TNNI3K: variants seen among roughly 807,000 people sequenced by gnomAD.
TNNI3K encodes the protein serine/threonine-protein kinase TNNI3K.
A neutral mutation model predicts 114.5 loss-of-function variants in TNNI3K; 140 were observed. The observed-to-expected ratio is 1.22, with a 90% CI of 1.07 to 1.41. TNNI3K has a LOEUF of 1.41. Among genes scored for constraint, TNNI3K ranks in the 40% most tolerant of loss-of-function variants. The pLI, the probability that TNNI3K is intolerant of heterozygous loss-of-function variation, is 0.00. For missense variants in TNNI3K, 1,125 were observed against 1,007.6 expected (o/e 1.12, Z -1.58); for synonymous variants, 347 against 347.5 (o/e 1.00, Z 0.02).
chr1:74,491,251 C>G (rs755325317), intron 22 of TNNI3K, among the ~76,000 whole-genome samples: 2 of 152,162 alleles, frequency 1.3e-5, no homozygotes, highest in Non-Finnish European at 2.9e-5. Flanking sequence ...GAGAGAGTCT[C>G]GCTCTGTCTC....
intron 23 of TNNI3K, among the ~76,000 whole-genome samples, chr1:74,538,913 G>A (rs1447138753): frequency 6.6e-6 from 1 of 152,092 alleles, no homozygotes; most frequent in African/African-American, 2.4e-5. Context: ...GAAGTAGGAA[G>A]GACCAGAACC....
intron 20 of TNNI3K, among the ~76,000 whole-genome samples, chr1:74,463,142 T>C (rs1667520065): frequency 6.6e-6 from 1 of 152,214 alleles, no homozygotes; most frequent in African/African-American, 2.4e-5. Context: ...TAATATCATG[T>C]ACATACCCTA....
chr1:74,488,664 T>TA (rs1327960312), intron 21 of TNNI3K, among the ~76,000 whole-genome samples: 1 of 152,196 alleles, frequency 6.6e-6, no homozygotes, highest in Non-Finnish European at 1.5e-5. Flanking sequence ...ATGGGCAATA[T>TA]TTTTAATGGC....
At chr1:74,337,382 T>C (rs1451503151) in intron 7 of TNNI3K, among the ~76,000 whole-genome samples, 3 of 151,750 alleles carry the variant, frequency 2.0e-5, no homozygotes, top group Non-Finnish European at 4.4e-5. Context: ...ATTTTGGCTT[T>C]TGTTGCCATT....
chr1:74,241,007 G>A (rs2100829062), intron 2 of TNNI3K, among the ~76,000 whole-genome samples: 2 of 152,014 alleles, frequency 1.3e-5, no homozygotes, highest in South Asian at 4.2e-4. Context: ...CCACCTGTGA[G>A]TGAGGACATG....
At chr1:74,525,366 G>GT (rs1348754581) in intron 23 of TNNI3K, among the ~76,000 whole-genome samples, 1 of 152,172 alleles carries the variant, frequency 6.6e-6, no homozygotes, top group Non-Finnish European at 1.5e-5. Context: ...AAAAAGGAAT[G>GT]TGAGGCACAG....
intron 17 of TNNI3K, among the ~76,000 whole-genome samples, chr1:74,399,156 TAAAAA>T (rs1234711047): frequency 5.2e-5 from 4 of 76,830 alleles, no homozygotes; most frequent in Non-Finnish European, 7.7e-5. Context: ...CAAAACCCAT[TAAAAA>T]AAAAAAAAAA....
intron 9 of TNNI3K, among the ~76,000 whole-genome samples, chr1:74,348,589 A>G (rs187542354): frequency 7.1e-4 from 108 of 152,330 alleles, no homozygotes; most frequent in African/African-American, 2.5e-3. Flanking sequence ...TACCTTGGGC[A>G]GTATGGCCAT....
At chr1:74,368,986 T>TA (rs1159183667) in intron 13 of TNNI3K, 36 bp from the exon 14 acceptor site, 1 of 1,565,782 alleles carries the variant, frequency 6.4e-7, no homozygotes, top group Non-Finnish European at 8.7e-7. Context: ...GTGTGGTTTT[T>TA]ACCTTAAAAA....
At chr1:74,322,205 A>G (rs902852162) in intron 5 of TNNI3K, among the ~76,000 whole-genome samples, 3 of 152,180 alleles carry the variant, frequency 2.0e-5, no homozygotes, top group Non-Finnish European at 4.4e-5. Context: ...ATTGACCCCA[A>G]TGGAAACAGT....
intron 23 of TNNI3K, among the ~76,000 whole-genome samples, chr1:74,493,104 C>T (rs1047386915): frequency 3.3e-5 from 5 of 152,034 alleles, no homozygotes; most frequent in Non-Finnish European, 4.4e-5. Context: ...ACATGGGAGG[C>T]TAGGGTTTCA....
intron 5 of TNNI3K, among the ~76,000 whole-genome samples, chr1:74,281,339 T>TGTGTGTGGGG (rs918515614): frequency 2.6e-5 from 4 of 151,576 alleles, no homozygotes; most frequent in African/African-American, 7.3e-5. Flanking sequence ...AATAGATGTG[T>TGTGTGTGGGG]GTGTGTGTGT....
chr1:74,255,120 C>T (rs981393443), intron 4 of TNNI3K, among the ~76,000 whole-genome samples: 7 of 151,882 alleles, frequency 4.6e-5, no homozygotes, highest in African/African-American at 9.7e-5. Context: ...TTTGGGAGGC[C>T]GAGGCGGGCG....
At chr1:74,236,566 T>G (rs925521514) in intron 2 of TNNI3K, among the ~76,000 whole-genome samples, 5 of 151,922 alleles carry the variant, frequency 3.3e-5, no homozygotes, top group African/African-American at 9.6e-5. Context: ...TCTTCCCACA[T>G]AGTGGTCGCA....
intron 20 of TNNI3K, among the ~76,000 whole-genome samples, chr1:74,442,807 A>G (rs1413400036): frequency 6.6e-6 from 1 of 152,098 alleles, no homozygotes; most frequent in African/African-American, 2.4e-5. Flanking sequence ...AATCATAACA[A>G]ACAGTCTCTA....
At position 74,436,179 on chromosome 1, in the gene TNNI3K, G is replaced by A. The variant is rs764392144; in HGVS notation, c.1825+47G>A. ...TCCTTTTTTTCTTTGTTCCTAGCTGGTACAATATGGTGCCTGATATTGTAC... is the reference window on the plus strand; with the variant it reads ...TCCTTTTTTTCTTTGTTCCTAGCTGATACAATATGGTGCCTGATATTGTAC... On this transcript the variant is annotated intron_variant, in intron 18 of 24. Transcript: ENST00000326637. The A allele has an allele frequency of 3.1e-6, 5 of 1,601,108 alleles. No individual in the cohort carries two copies. The African/African-American group carries it at 5.4e-5, about 17-fold the overall frequency.
intron 20 of TNNI3K, among the ~76,000 whole-genome samples, chr1:74,440,503 A>C (rs1383079221): frequency 6.6e-6 from 1 of 152,142 alleles, no homozygotes; most frequent in Non-Finnish European, 1.5e-5. Flanking sequence ...GTCTTGACCA[A>C]GATCAAAATA....
At chr1:74,425,769 G>C (rs1302341533) in intron 17 of TNNI3K, among the ~76,000 whole-genome samples, 1 of 152,042 alleles carries the variant, frequency 6.6e-6, no homozygotes, top group Non-Finnish European at 1.5e-5. Flanking sequence ...CAAACTTGGA[G>C]GAGACACCAT....
chr1:74,471,462 A>G, intron 21 of TNNI3K: 1 of 400,668 alleles, frequency 2.5e-6, no homozygotes. Context: ...AAGGATGTAA[A>G]TTTAATTTTA....
Sources: allele counts gnomAD v4.1 joint callset (sites outside exome capture counted in the v4.1 genomes callset), GRCh38; gene constraint gnomAD v4.1.1; transcripts MANE v1.5; gene names NCBI Gene and HGNC (gene_info 2026-07-23, HGNC 2026-07-21).